MKLN1: variants seen among roughly 807,000 people sequenced by gnomAD.
The protein encoded by MKLN1 is muskelin.
A neutral mutation model predicts 99.0 loss-of-function variants in MKLN1; 18 were observed. The observed-to-expected ratio is 0.18, with a 90% CI of 0.13 to 0.27. MKLN1 has a LOEUF of 0.27. MKLN1 is among the 10% of genes least tolerant of loss of function. The pLI is 1.00. For missense variants in MKLN1, 621 were observed against 875.9 expected, an observed-to-expected ratio of 0.71 and a Z score of 3.67; for synonymous variants, 288 against 293.2, an observed-to-expected ratio of 0.98 and a Z score of 0.18.
intron 2 of MKLN1, among the ~76,000 whole-genome samples, chr7:131,197,972 C>CA (rs1363230041): frequency 1.3e-5 from 2 of 152,042 alleles, no homozygotes; most frequent in Non-Finnish European, 2.9e-5. Flanking sequence ...GTAGCTGGGA[C>CA]AACAGGCCCA....
intron 16 of MKLN1, among the ~76,000 whole-genome samples, chr7:131,475,046 T>A (rs1332022667): frequency 1.3e-5 from 2 of 152,102 alleles, no homozygotes; most frequent in African/African-American, 4.8e-5. Flanking sequence ...AATTGGCCCC[T>A]GTGATCCAAT....
chr7:131,434,024 C>G lies in MKLN1; in HGVS notation c.961-3761C>G, dbSNP rs185966993. Among the ~76,000 whole-genome samples the G allele has an allele frequency of 6.6e-5, 10 of 152,050 alleles. No individual in the cohort carries two copies. In the East Asian group the frequency reaches 1.9e-3, roughly 29 times the overall value. ...TCAGCCTCCCGAGTAGCTGAGACTACACCGAGTAGCTGAGACCCACCTGGC... is the reference window on the plus strand; with the variant it reads ...TCAGCCTCCCGAGTAGCTGAGACTAGACCGAGTAGCTGAGACCCACCTGGC... On this transcript the variant is annotated intron_variant, in intron 9 of 17. Coordinates refer to ENST00000352689, the MANE Select transcript of MKLN1 (RefSeq NM_013255.5).
At chr7:131,121,141 AAGAC>A (rs1326440153) in intron 1 of MKLN1, among the ~76,000 whole-genome samples, 1 of 152,192 alleles carries the variant, frequency 6.6e-6, no homozygotes, top group African/African-American at 2.4e-5. Flanking sequence ...TGGCACAGAA[AAGAC>A]AGGGTGAAGG....
intron 12 of MKLN1, among the ~76,000 whole-genome samples, chr7:131,458,107 A>T (rs765247634): frequency 2.6e-5 from 4 of 152,250 alleles, no homozygotes; most frequent in Non-Finnish European, 5.9e-5. Context: ...GAAAGATTTC[A>T]GAGAGAAAAA....
intron 8 of MKLN1, among the ~76,000 whole-genome samples, chr7:131,428,741 C>T (rs1165502787): frequency 6.6e-6 from 1 of 152,074 alleles, no homozygotes; most frequent in Non-Finnish European, 1.5e-5. Context: ...AAATACAGAC[C>T]CATTTTTACC....
chr7:131,243,839 C>A (rs995833206), intron 3 of MKLN1, among the ~76,000 whole-genome samples: 2 of 152,098 alleles, frequency 1.3e-5, no homozygotes, highest in Non-Finnish European at 2.9e-5. Context: ...CATGGTGAAA[C>A]CCCGTCTCTA....
At chr7:131,384,632 C>T (rs1375775518) in intron 2 of MKLN1, among the ~76,000 whole-genome samples, 1 of 152,118 alleles carries the variant, frequency 6.6e-6, no homozygotes, top group Non-Finnish European at 1.5e-5. Flanking sequence ...GTTATGGAAA[C>T]CCAAGGAAAC....
intron 2 of MKLN1, among the ~76,000 whole-genome samples, chr7:131,190,482 A>G (rs1237896762): frequency 2.0e-5 from 3 of 151,818 alleles, no homozygotes; most frequent in Admixed American, 6.6e-5. Flanking sequence ...AAATCTAAAG[A>G]GCCCAGTAGC....
intron 3 of MKLN1, among the ~76,000 whole-genome samples, chr7:131,235,083 T>A (rs946057859): frequency 1.3e-5 from 2 of 152,170 alleles, no homozygotes; most frequent in South Asian, 2.1e-4. Context: ...ACATATATAT[T>A]TTTTTTATTC....
chr7:131,234,271 C>T (rs528377506), intron 3 of MKLN1, among the ~76,000 whole-genome samples: 28 of 152,210 alleles, frequency 1.8e-4, no homozygotes, highest in East Asian at 3.9e-4. Context: ...TGAGACACCA[C>T]GCCCGGCCTT....
chr7:131,112,818 AATC>A (rs1795219516), intron 1 of MKLN1, among the ~76,000 whole-genome samples: 1 of 152,250 alleles, frequency 6.6e-6, no homozygotes, highest in Non-Finnish European at 1.5e-5. Flanking sequence ...AACTAATAAT[AATC>A]TATTTGCCTG....
intron 2 of MKLN1, among the ~76,000 whole-genome samples, chr7:131,154,329 GCC>G (rs1467765098): frequency 1.3e-5 from 2 of 152,024 alleles, no homozygotes; most frequent in Non-Finnish European, 2.9e-5. Flanking sequence ...TGATCCACCC[GCC>G]TTGGCCTCCC....
At chr7:131,272,703 G>C (rs1293385187) in intron 3 of MKLN1, among the ~76,000 whole-genome samples, 2 of 152,168 alleles carry the variant, frequency 1.3e-5, no homozygotes, top group East Asian at 3.8e-4. Context: ...GGAGGTGAAA[G>C]GCACTTCTTA....
At chr7:131,259,743 A>C (rs1797706511) in intron 3 of MKLN1, among the ~76,000 whole-genome samples, 1 of 152,198 alleles carries the variant, frequency 6.6e-6, no homozygotes, top group South Asian at 2.1e-4. Flanking sequence ...AATGGCATTA[A>C]GTACATTCAC....
At chr7:131,202,146 C>CTTTTTTTTTTTTTTTTTTTTTTTTTTTT (rs58800874) in intron 2 of MKLN1, among the ~76,000 whole-genome samples, 1 of 60,274 alleles carries the variant, frequency 1.7e-5, no homozygotes, top group African/African-American at 6.2e-5. Context: ...GCACTATTGA[C>CTTTTTTTTTTTTTTTTTTTTTTTTTTTT]TTTTTTTTTT....
At chr7:131,126,711 G>A (rs1795467106) in intron 1 of MKLN1, among the ~76,000 whole-genome samples, 2 of 152,278 alleles carry the variant, frequency 1.3e-5, no homozygotes, top group East Asian at 3.9e-4. Flanking sequence ...GTGCCACTGT[G>A]CCTGGCTAAA....
intron 10 of MKLN1, among the ~76,000 whole-genome samples, chr7:131,439,969 A>G (rs1795791871): frequency 1.3e-5 from 2 of 151,890 alleles, no homozygotes; most frequent in Admixed American, 6.6e-5. Flanking sequence ...ATAACTCCCA[A>G]TGCCTTGTAA....
chr7:131,125,841 A>G (rs1795446950), intron 1 of MKLN1, among the ~76,000 whole-genome samples: 2 of 151,862 alleles, frequency 1.3e-5, no homozygotes, highest in African/African-American at 4.8e-5. Flanking sequence ...CGTCTCTGTT[A>G]AAAATACAAA....
chr7:131,282,588 G>A (rs1798068459), intron 3 of MKLN1, among the ~76,000 whole-genome samples: 1 of 152,100 alleles, frequency 6.6e-6, no homozygotes, highest in Admixed American at 6.5e-5. Flanking sequence ...TAGAGGAGGA[G>A]GGATCTGAGC....
Sources: allele counts gnomAD v4.1 joint callset (sites outside exome capture counted in the v4.1 genomes callset), GRCh38; gene constraint gnomAD v4.1.1; transcripts MANE v1.5; gene names NCBI Gene and HGNC (gene_info 2026-07-23, HGNC 2026-07-21).